Variants in RPRD1A observed in about 807,000 individuals in gnomAD.
The protein encoded by RPRD1A is regulation of nuclear pre-mRNA domain-containing protein 1A.
Under a neutral mutation model 37.8 loss-of-function variants are expected in RPRD1A, and 9 were observed. That is an observed-to-expected ratio of 0.24 (90% CI 0.14 to 0.42). The LOEUF (loss-of-function observed/expected upper bound fraction) is 0.42. Among genes scored for constraint, RPRD1A ranks in the 10% least tolerant of loss-of-function variants. RPRD1A has a pLI of 1.00. For missense variants in RPRD1A, 255 were observed against 371.0 expected, an observed-to-expected ratio of 0.69 and a Z score of 2.57; for synonymous variants, 138 against 139.7, an observed-to-expected ratio of 0.99 and a Z score of 0.08.
intron 6 of RPRD1A, among the ~76,000 whole-genome samples, chr18:36,014,246 C>G (rs892207149): frequency 6.6e-6 from 1 of 152,180 alleles, no homozygotes; most frequent in South Asian, 2.1e-4. Flanking sequence ...AGACTACTCT[C>G]AAAACAGTAT....
intron 1 of RPRD1A, among the ~76,000 whole-genome samples, chr18:36,036,136 G>C (rs1763245507): frequency 6.6e-6 from 1 of 151,780 alleles, no homozygotes; most frequent in Admixed American, 6.6e-5. Context: ...CTGTCTCCCA[G>C]ACTAAAGGCT....
At chr18:35,997,561 T>C (rs949739655) in intron 6 of RPRD1A, among the ~76,000 whole-genome samples, 9 of 152,202 alleles carry the variant, frequency 5.9e-5, no homozygotes, top group African/African-American at 2.2e-4. Context: ...TAAAAATTAT[T>C]TTTGGAAAGC....
At chr18:36,061,165 T>G (rs1451656166) in intron 1 of RPRD1A, among the ~76,000 whole-genome samples, 2 of 152,166 alleles carry the variant, frequency 1.3e-5, no homozygotes, top group Admixed American at 6.5e-5. Flanking sequence ...ATGATTTCCC[T>G]CTAACTAAAG....
At chr18:36,015,700 A>G (rs1014657350) in intron 6 of RPRD1A, among the ~76,000 whole-genome samples, 24 of 152,342 alleles carry the variant, frequency 1.6e-4, no homozygotes, top group African/African-American at 5.1e-4. Context: ...GCATTATGCT[A>G]AAGAAATAAG....
At chr18:36,043,267 T>C (rs960104522) in intron 1 of RPRD1A, among the ~76,000 whole-genome samples, 3 of 140,784 alleles carry the variant, frequency 2.1e-5, no homozygotes, top group African/African-American at 8.0e-5. Context: ...AAATTATATA[T>C]TACATGATTA....
intron 4 of RPRD1A, 61 bp downstream of exon 4, chr18:36,030,747 A>G (rs2144290787): frequency 9.9e-7 from 1 of 1,012,774 alleles, no homozygotes; most frequent in South Asian, 1.4e-5. Flanking sequence ...CGAAATTAAT[A>G]AAGCTTGGTG....
At chr18:36,016,469 C>G (rs181052318) in intron 6 of RPRD1A, among the ~76,000 whole-genome samples, 44 of 152,282 alleles carry the variant, frequency 2.9e-4, no homozygotes, top group African/African-American at 1.1e-3. Flanking sequence ...ATGATCCGCC[C>G]GCCTCGGCTT....
At chr18:36,015,126 T>TCACACACACACACA (rs1238163277) in intron 6 of RPRD1A, among the ~76,000 whole-genome samples, 3 of 122,672 alleles carry the variant, frequency 2.4e-5, no homozygotes, top group African/African-American at 1.1e-4. Context: ...AAGTAGGGTC[T>TCACACACACACACA]CACATACACA....
chr18:36,020,661 C>T (rs1910936449), intron 6 of RPRD1A, among the ~76,000 whole-genome samples: 1 of 151,944 alleles, frequency 6.6e-6, no homozygotes, highest in South Asian at 2.1e-4. Context: ...AAAACCTCAT[C>T]TCTGCAAAAA....
intron 6 of RPRD1A, among the ~76,000 whole-genome samples, chr18:35,996,977 C>CCAA (rs1491180394): frequency 1.8e-5 from 1 of 55,610 alleles, no homozygotes; most frequent in Non-Finnish European, 3.6e-5. Context: ...GACCCTGTCT[C>CCAA]AAAAAAAAAA....
intron 1 of RPRD1A, among the ~76,000 whole-genome samples, chr18:36,034,747 C>T (rs1184933758): frequency 6.6e-6 from 1 of 152,154 alleles, no homozygotes; most frequent in African/African-American, 2.4e-5. Context: ...TTGATGTGGG[C>T]TATCTTATTG....
At chr18:35,997,359 T>A (rs1483361223) in intron 6 of RPRD1A, among the ~76,000 whole-genome samples, 3 of 152,130 alleles carry the variant, frequency 2.0e-5, no homozygotes, top group African/African-American at 7.2e-5. Flanking sequence ...ATATATAGAA[T>A]ACACTTTTTA....
chr18:36,025,346 G>C (rs1169942392), intron 6 of RPRD1A: 6 of 292,112 alleles, frequency 2.1e-5, no homozygotes, highest in Non-Finnish European at 4.0e-5. Context: ...CCTGACACAT[G>C]AATGTTAACA....
chr18:36,062,631 TC>T (rs2088939349), intron 1 of RPRD1A, among the ~76,000 whole-genome samples: 1 of 152,226 alleles, frequency 6.6e-6, no homozygotes, highest in Non-Finnish European at 1.5e-5. Flanking sequence ...GCAACTGGCT[TC>T]TTTTAATTAA....
At chr18:36,039,183 T>C (rs115343058) in intron 1 of RPRD1A, among the ~76,000 whole-genome samples, 1,771 of 152,196 alleles carry the variant, frequency 0.012, 41 homozygotes, top group African/African-American at 0.04. Flanking sequence ...CAAATTATAA[T>C]CTCCACATGT....
At chr18:36,045,886 A>AG (rs1433408267) in intron 1 of RPRD1A, among the ~76,000 whole-genome samples, 3 of 152,088 alleles carry the variant, frequency 2.0e-5, no homozygotes, top group South Asian at 2.1e-4. Flanking sequence ...ATGGGAAAAA[A>AG]GGGGGGGCAC....
chr18:35,998,016 A>C (rs890946154), intron 6 of RPRD1A, among the ~76,000 whole-genome samples: 2 of 152,202 alleles, frequency 1.3e-5, no homozygotes, highest in Non-Finnish European at 2.9e-5. Context: ...ATATCCATGC[A>C]ATCACAGGTT....
chr18:36,038,387 C>T (rs1401554822), intron 1 of RPRD1A, among the ~76,000 whole-genome samples: 2 of 152,242 alleles, frequency 1.3e-5, no homozygotes, highest in African/African-American at 2.4e-5. Flanking sequence ...AGGGTGCAAG[C>T]CCCAAGCCTT....
chr18:36,050,979 T>C (rs1027264256), intron 1 of RPRD1A, among the ~76,000 whole-genome samples: 4 of 152,054 alleles, frequency 2.6e-5, no homozygotes, highest in African/African-American at 9.7e-5. Flanking sequence ...ACACAGGTGT[T>C]ACAGGCACCA....
Sources: gnomAD v4.1 joint callset for allele counts (sites outside exome capture counted in the v4.1 genomes callset) on GRCh38, gnomAD v4.1.1 for gene constraint, MANE v1.5 for transcripts, NCBI Gene and HGNC (gene_info 2026-07-23, HGNC 2026-07-21) for gene names.